The following PPARGC1A variants were observed in gnomAD, a reference collection of about 807,000 sequenced individuals.
PPARGC1A encodes PPARG coactivator 1 alpha.
Under a neutral mutation model 88.7 loss-of-function variants are expected in PPARGC1A, and 25 were observed. That is an observed-to-expected ratio of 0.28 (90% CI 0.21 to 0.39). The LOEUF (loss-of-function observed/expected upper bound fraction) is 0.39, where lower values mean the gene tolerates loss of function less well. PPARGC1A is among the 10% of genes least tolerant of loss of function. The probability of loss-of-function intolerance (pLI) is 1.00; values close to 1 mark genes in which losing one functional copy is unlikely to be tolerated. For synonymous variants in PPARGC1A, 363 were observed against 355.6 expected (o/e 1.02, Z -0.24); for missense variants, 880 against 968.7 (o/e 0.91, Z 1.22).
intron 2 of PPARGC1A, among the ~76,000 whole-genome samples, chr4:23,836,519 C>T (rs1726044450): frequency 2.6e-5 from 4 of 152,212 alleles, no homozygotes; most frequent in Non-Finnish European, 5.9e-5. Flanking sequence ...TTTATACTAA[C>T]AACCCAAAAT....
At chr4:24,049,590 C>T in the PPARGC1A span, among the ~76,000 whole-genome samples, 1 of 151,984 alleles carries the variant, frequency 6.6e-6, no homozygotes, top group Non-Finnish European at 1.5e-5. Context: ...ACATGCTTTA[C>T]TTCCTGGGCC....
At chr4:24,112,794 C>T in the PPARGC1A span, among the ~76,000 whole-genome samples, 2 of 152,112 alleles carry the variant, frequency 1.3e-5, no homozygotes, top group South Asian at 2.1e-4. Flanking sequence ...TAAATGTGCT[C>T]ATTATCAAGT....
At chr4:23,874,699 T>A (rs960224327) in intron 2 of PPARGC1A, among the ~76,000 whole-genome samples, 1 of 152,224 alleles carries the variant, frequency 6.6e-6, no homozygotes, top group Non-Finnish European at 1.5e-5. Flanking sequence ...AATGTCTGCA[T>A]AGCAGGATTG....
the PPARGC1A span, among the ~76,000 whole-genome samples, chr4:24,174,225 G>C: frequency 6.6e-6 from 1 of 152,158 alleles, no homozygotes; most frequent in Non-Finnish European, 1.5e-5. Context: ...CAGCATTCTA[G>C]GTGACGGAAA....
chr4:24,153,785 C>G, the PPARGC1A span, among the ~76,000 whole-genome samples: 1 of 152,110 alleles, frequency 6.6e-6, no homozygotes, highest in Non-Finnish European at 1.5e-5. Context: ...GTTGGCTGGA[C>G]TGTAGAATTT....
At chr4:24,346,580 C>T in the PPARGC1A span, among the ~76,000 whole-genome samples, 27,960 of 151,952 alleles carry the variant, frequency 0.18, 2,701 homozygotes, top group South Asian at 0.23. Flanking sequence ...TCATAGTAGC[C>T]TTGAATCATC....
At chr4:24,373,046 G>A in the PPARGC1A span, among the ~76,000 whole-genome samples, 5 of 152,104 alleles carry the variant, frequency 3.3e-5, no homozygotes, top group East Asian at 1.9e-4. Flanking sequence ...CCCTCCCATC[G>A]GCTGCACAGA....
the PPARGC1A span, among the ~76,000 whole-genome samples, chr4:24,239,545 A>T: frequency 1.3e-5 from 2 of 152,194 alleles, no homozygotes; most frequent in African/African-American, 4.8e-5. Context: ...TTAGGGATAT[A>T]AGACAGGGCT....
intron 2 of PPARGC1A, among the ~76,000 whole-genome samples, chr4:23,845,066 G>C (rs890967616): frequency 6.6e-6 from 1 of 151,424 alleles, no homozygotes; most frequent in African/African-American, 2.4e-5. Context: ...TAAGCAGGAG[G>C]GGGGTGATAG....
At chr4:24,224,661 A>T in the PPARGC1A span, among the ~76,000 whole-genome samples, 19 of 152,210 alleles carry the variant, frequency 1.2e-4, no homozygotes, top group Admixed American at 3.9e-4. Context: ...AGGAGCTTAC[A>T]TTATGGTGCA....
chr4:24,336,438 A>ATACT, the PPARGC1A span, among the ~76,000 whole-genome samples: 1 of 152,228 alleles, frequency 6.6e-6, no homozygotes. Context: ...AAAGTAATAA[A>ATACT]TACTTACTGA....
At chr4:24,470,295 C>CACACACAT in the PPARGC1A span, among the ~76,000 whole-genome samples, 2 of 142,536 alleles carry the variant, frequency 1.4e-5, no homozygotes, top group African/African-American at 5.3e-5. This position sits in a 1 kb window ranked among gnomAD's most constrained non-coding sequence, Gnocchi z 5.8. Flanking sequence ...CACACACACA[C>CACACACAT]ACACACACAC....
chr4:23,850,103 A>G (rs964446304), intron 2 of PPARGC1A, among the ~76,000 whole-genome samples: 2 of 152,178 alleles, frequency 1.3e-5, no homozygotes, highest in Non-Finnish European at 2.9e-5. Context: ...TTCATATCAC[A>G]CTGTTTGTTT....
the PPARGC1A span, among the ~76,000 whole-genome samples, chr4:24,211,186 C>T: frequency 6.6e-6 from 1 of 152,006 alleles, no homozygotes; most frequent in Non-Finnish European, 1.5e-5. Context: ...ATTCCTTAAA[C>T]TCGTGACTAG....
the PPARGC1A span, among the ~76,000 whole-genome samples, chr4:24,044,566 C>T: frequency 3.3e-5 from 5 of 152,112 alleles, no homozygotes; most frequent in Non-Finnish European, 5.9e-5. Context: ...CAAAAGATGG[C>T]GTCTTTAATC....
the PPARGC1A span, among the ~76,000 whole-genome samples, chr4:24,234,214 T>G: frequency 6.6e-6 from 1 of 152,194 alleles, no homozygotes. Flanking sequence ...TTTCCCTGAT[T>G]TTAGCTGGAC....
chr4:23,993,515 A>G, the PPARGC1A span, among the ~76,000 whole-genome samples: 1 of 152,182 alleles, frequency 6.6e-6, no homozygotes, highest in African/African-American at 2.4e-5. Context: ...GAAATTAGTC[A>G]TGCTCTGCTT....
At chr4:24,154,932 C>T in the PPARGC1A span, among the ~76,000 whole-genome samples, 1 of 152,098 alleles carries the variant, frequency 6.6e-6, no homozygotes, top group Non-Finnish European at 1.5e-5. Flanking sequence ...TGAGTTACAC[C>T]TTGAGAAATG....
the PPARGC1A span, among the ~76,000 whole-genome samples, chr4:24,001,082 C>T: frequency 1.3e-5 from 2 of 152,110 alleles, no homozygotes; most frequent in Admixed American, 6.6e-5. Context: ...GCAATAAAGG[C>T]ATGTTTTTCT....
Sources: allele counts gnomAD v4.1 joint callset (sites outside exome capture counted in the v4.1 genomes callset), GRCh38; gene constraint gnomAD v4.1.1; non-coding constraint Gnocchi (gnomAD v3.1); transcripts MANE v1.5; gene names NCBI Gene and HGNC (gene_info 2026-07-23, HGNC 2026-07-21).